MAP3K10: variants seen among roughly 807,000 people sequenced by gnomAD.
The protein encoded by MAP3K10 is mitogen-activated protein kinase kinase kinase 10, also known as MKN28 derived nonreceptor_type serine/threonine kinase.
In MAP3K10, 22 loss-of-function variants were observed where a neutral mutation model predicts 75.0. The observed-to-expected ratio is 0.29, with a 90% CI of 0.21 to 0.42. The LOEUF (loss-of-function observed/expected upper bound fraction) is 0.42, where lower values mean the gene tolerates loss of function less well. MAP3K10 is among the 10% of genes least tolerant of loss of function. The pLI is 1.00. For missense variants in MAP3K10, 1,165 were observed against 1,379.8 expected, an observed-to-expected ratio of 0.84 and a Z score of 2.47; for synonymous variants, 599 against 612.9, an observed-to-expected ratio of 0.98 and a Z score of 0.34.
rs758638669 is a variant in MAP3K10, at chr19:40,213,508, C to T, written c.1838-9C>T. Reference sequence around the variant, plus strand: ...CCTGCAGCGGAGTGATGGCCCTCTCCGGTTGCAGAGGAGTTCGCGGAGGCA... The same window carrying T: ...CCTGCAGCGGAGTGATGGCCCTCTCTGGTTGCAGAGGAGTTCGCGGAGGCA... On this transcript the variant is annotated splice_polypyrimidine_tract_variant and intron_variant, in intron 8 of 9. Transcript: ENST00000253055. The surrounding 1 kb of genome is among the most constrained non-coding windows in gnomAD (Gnocchi z 5.7). 9.9e-6 allele frequency: 16 copies of T among 1,610,796 alleles called. No individual in the cohort carries two copies. The highest frequency in any genetic ancestry group is 2.2e-5 in the East Asian group (1 of 44,766).
chr19:40,198,416 A>G lies in MAP3K10; in HGVS notation c.724A>G (p.Thr242Ala). The change falls in exon 2 of 10, where the codon ACG (threonine) becomes GCG (alanine). Residue 242 changes from threonine to alanine, a missense_variant. Physicochemically the swap from Thr to Ala is moderately conservative, Grantham distance 58 (BLOSUM62 0). Coordinates refer to ENST00000253055, the MANE Select transcript of MAP3K10 (RefSeq NM_002446.4). This position sits in a 1 kb window ranked among gnomAD's most constrained non-coding sequence, Gnocchi z 4.3. Reference protein sequence around the residue: ...EAIENHNLADTVLKITDFGLA... With the variant: ...EAIENHNLADAVLKITDFGLA... ...CATCGAGAACCACAACCTCGCAGAC[A>G]CGGTGCTCAAGATCACGGACTTCGG... 1 of 1,614,096 alleles carries G rather than the reference A, an allele frequency of 6.2e-7. No individual in the cohort carries two copies. Among genetic ancestry groups the G allele is most frequent in the South Asian group, 1.1e-5 (1 of 91,072 alleles).
In MAP3K10 at chr19:40,206,168, G is replaced by T. The variant is rs764315161; in HGVS notation, c.1435+11G>T. ...TCAGCCTGCCCTCTGGTACCCACCC[G>T]TGTCCCCAGAGCGCCCCCCAAGAGG... On this transcript the variant is annotated intron_variant, in intron 5 of 9. Transcript: ENST00000253055. The T allele has an allele frequency of 1.9e-6, 3 of 1,589,306 alleles. No individual in the cohort carries two copies. Among genetic ancestry groups the T allele is most frequent in the Non-Finnish European group, 2.6e-6 (3 of 1,163,068 alleles).
Position 40,192,539 on chromosome 19 carries a change from C to T in MAP3K10, c.508C>T (p.Leu170Phe). 1 of 1,613,542 alleles carries T rather than the reference C, an allele frequency of 6.2e-7. No homozygotes were observed. The highest frequency in any genetic ancestry group is 1.1e-5 in the South Asian group (1 of 91,062). Residue 170 changes from leucine to phenylalanine, a missense_variant, in exon 1 of 10, where the codon CTC becomes TTC. Transcript: ENST00000253055. The surrounding 1 kb of genome is among the most constrained non-coding windows in gnomAD (Gnocchi z 7.1). ...LRGACLNPPH[L>F]CLVMEYARGG... ...GGGCGCCTGCCTCAACCCCCCACAC[C>T]TCTGCCTAGTGATGGAGTATGCCCG...
rs997298971 is a variant in MAP3K10, at chr19:40,204,373, G to A, written c.864-112G>A. The A allele has an allele frequency of 9.5e-5, 116 of 1,218,420 alleles. No homozygotes were observed. The highest frequency in any genetic ancestry group is 9.1e-4 in the African/African-American group (60 of 66,184). The allele number at this position is 1,218,420 out of a possible 1,614,324, so 75.5% of individuals were successfully genotyped here. Reference sequence around the variant, plus strand: ...GCAAGTTCTTGTGACCTCATTGGCCGGGGGTGGCTGTTGGGGTGAGGGCAG... The same window carrying A: ...GCAAGTTCTTGTGACCTCATTGGCCAGGGGTGGCTGTTGGGGTGAGGGCAG... On this transcript the variant is annotated intron_variant, in intron 2 of 9. Transcript: ENST00000253055. This position sits in a 1 kb window ranked among gnomAD's most constrained non-coding sequence, Gnocchi z 4.3.
At chr19:40,193,327 C>A (rs572225260) in intron 1 of MAP3K10, among the ~76,000 whole-genome samples, 1 of 152,306 alleles carries the variant, frequency 6.6e-6, no homozygotes, top group Admixed American at 6.5e-5. Context: ...TCTTCATAGG[C>A]CGAGCTGGCC....
chr19:40,197,965 G>T (rs1972941467), intron 1 of MAP3K10, among the ~76,000 whole-genome samples: 2 of 152,128 alleles, frequency 1.3e-5, no homozygotes, highest in South Asian at 2.1e-4. Flanking sequence ...CCAAGTGGCT[G>T]GGACTGTAGG....
chr19:40,206,662 G>A (rs373487444), intron 5 of MAP3K10, among the ~76,000 whole-genome samples: 3 of 152,016 alleles, frequency 2.0e-5, no homozygotes, highest in East Asian at 3.9e-4. Context: ...AAAGCAGAGA[G>A]AACCTCACAG....
At chr19:40,210,033 C>T (rs1054582583) in intron 6 of MAP3K10, among the ~76,000 whole-genome samples, 1 of 151,930 alleles carries the variant, frequency 6.6e-6, no homozygotes, top group Non-Finnish European at 1.5e-5. Flanking sequence ...TTTGGGAGGC[C>T]GAGGCAGGCG....
chr19:40,205,355 G>A lies in MAP3K10; in HGVS notation c.1188+59G>A. Reference sequence around the variant, plus strand: ...CAAGACCCCTGAGTTCTGATGCCTTGGGCTGCTCAGAGACTCCTCCCCTGA... The same window carrying A: ...CAAGACCCCTGAGTTCTGATGCCTTAGGCTGCTCAGAGACTCCTCCCCTGA... On this transcript the variant is annotated intron_variant, in intron 4 of 9. Transcript: ENST00000253055. The surrounding 1 kb of genome is among the most constrained non-coding windows in gnomAD (Gnocchi z 4.3). 1 of 1,573,952 alleles carries A rather than the reference G, an allele frequency of 6.4e-7. No individual in the cohort carries two copies. The highest frequency in any genetic ancestry group is 2.3e-5 in the East Asian group (1 of 44,422).
Position 40,209,220 on chromosome 19 carries a change from G to T in MAP3K10, c.1552+1G>T. On this transcript the variant is annotated splice_donor_variant, in intron 6 of 9. Transcript: ENST00000253055. LOFTEE classifies it high-confidence loss of function. ...ATCCCCCGGCTGAGGGCCATTCGCC[G>T]TGAGTATCTCCCAAGGCCCTGACCA... 2 of 1,612,820 alleles carry T rather than the reference G, an allele frequency of 1.2e-6. No individual in the cohort carries two copies. Among genetic ancestry groups the T allele is most frequent in the Non-Finnish European group, 8.5e-7 (1 of 1,178,952 alleles).
rs1294320875 is a variant in MAP3K10 at position 40,206,248 on chromosome 19, G to A, written c.1435+91G>A. The A allele has an allele frequency of 3.5e-6, 5 of 1,443,488 alleles. No individual in the cohort carries two copies. The Admixed American group carries it at 1.2e-4, about 34-fold the overall frequency. 89.4% of individuals were successfully genotyped at this position (1,443,488 alleles called of 1,614,324 possible). A position where few individuals can be genotyped will look rare whatever the true frequency, so the allele number is the denominator to read the frequency against. On this transcript the variant is annotated intron_variant, in intron 5 of 9. Coordinates refer to ENST00000253055, the MANE Select transcript of MAP3K10 (RefSeq NM_002446.4). ...ATCTCTTCCTTTTCTTTTTCAACTT[G>A]TTTTTATTGCTAAATATATCGCACA...
At chr19:40,203,621 A>G (rs922867926) in intron 2 of MAP3K10, among the ~76,000 whole-genome samples, 1 of 152,248 alleles carries the variant, frequency 6.6e-6, no homozygotes, top group East Asian at 1.9e-4. Flanking sequence ...CTGAGCGTGT[A>G]CCTGCTCATC....
chr19:40,214,023 GCGCCCACACCCA>G lies in MAP3K10; in HGVS notation c.2350_2361del (p.Thr784_Pro787del). On this transcript the variant is annotated inframe_deletion, in exon 9 of 10. Transcript: ENST00000253055. ...GCCCTCCCCACCACCCTCCCCGCCCGCGCCCACACCCACGCCCTCGCCCAGCACCAACCCCCT... is the reference window on the plus strand; with the variant it reads ...GCCCTCCCCACCACCCTCCCCGCCCGCGCCCTCGCCCAGCACCAACCCCCT... 4 of 500,756 alleles carry G rather than the reference GCGCCCACACCCA, an allele frequency of 8.0e-6. No individual in the cohort carries two copies. The highest frequency in any genetic ancestry group is 1.2e-5 in the Non-Finnish European group (4 of 342,310). 31.0% of individuals were successfully genotyped at this position (500,756 alleles called of 1,614,324 possible).
At chr19:40,197,253 C>T (rs1363531339) in intron 1 of MAP3K10, among the ~76,000 whole-genome samples, 2 of 152,120 alleles carry the variant, frequency 1.3e-5, no homozygotes, top group Non-Finnish European at 2.9e-5. Context: ...GGAATTGGCA[C>T]CCTGTCATTC....
rs1054777956 is a variant in MAP3K10, at chr19:40,215,421, AG to A, written c.*137del. The A allele has an allele frequency of 1.8e-4, 137 of 781,412 alleles. No homozygotes were observed. Among genetic ancestry groups the A allele is most frequent in the Middle Eastern group, 1.2e-3 (3 of 2,582 alleles). 48.4% of individuals were successfully genotyped at this position (781,412 alleles called of 1,614,324 possible). A position where few individuals can be genotyped will look rare whatever the true frequency, so the allele number is the denominator to read the frequency against. On this transcript the variant is annotated 3_prime_UTR_variant, in exon 10 of 10. Transcript: ENST00000253055. ...CACTCTATTTATTGGGGAAGGAGGG[AG>A]GGGGGGGACACTTAACTTATTCCTT... is the stretch of plus-strand genomic sequence containing the variant.
chr19:40,215,151 C>T lies in MAP3K10; in HGVS notation c.2724C>T (p.Leu908=). 9 of 1,608,610 alleles carry T rather than the reference C, an allele frequency of 5.6e-6. No homozygotes were observed. The highest frequency in any genetic ancestry group is 6.8e-6 in the Non-Finnish European group (8 of 1,178,130). ...PWKLVSFGRT[L]TISPPSRPDT... ...AACTGGTCTCCTTCGGCCGGACACT[C>T]ACCATCTCGCCTCCCAGCAGGCCAG... Residue 908 remains leucine, a synonymous_variant, in exon 10 of 10, where the codon CTC becomes CTT. Transcript: ENST00000253055.
Position 40,215,196 on chromosome 19 carries a change from G to C in MAP3K10, c.2769G>C (p.Gly923=), listed in dbSNP as rs750561297. The change falls in exon 10 of 10, where the codon GGG becomes GGC. Residue 923 remains glycine (G), a synonymous_variant. Coordinates refer to ENST00000253055, the MANE Select transcript of MAP3K10 (RefSeq NM_002446.4). The part of the protein sequence containing the change: ...PSRPDTPESP[G]PPSVQPTLLD... ...GGCCAGACACTCCGGAGAGCCCTGG[G>C]CCCCCCAGCGTGCAGCCCACACTGC... 33 of 1,585,714 alleles carry C rather than the reference G, an allele frequency of 2.1e-5. No individual in the cohort carries two copies. The South Asian group carries it at 3.8e-4, about 18-fold the overall frequency.
At chr19:40,200,612 CTT>C (rs71171548) in intron 2 of MAP3K10, among the ~76,000 whole-genome samples, 8 of 79,974 alleles carry the variant, frequency 1.0e-4, no homozygotes, top group African/African-American at 2.7e-4. Context: ...TTTGTGCTAC[CTT>C]TTTTTTTTTT....
chr19:40,198,287 C>T lies in MAP3K10; in HGVS notation c.683-88C>T, dbSNP rs1035834663. ...CAGCCTGAGGCAGTGAGAGGAAAGA[C>T]GTGTTTCTAGCTGAGGCAGCGGGCC... On this transcript the variant is annotated intron_variant, in intron 1 of 9. Coordinates refer to ENST00000253055, the MANE Select transcript of MAP3K10 (RefSeq NM_002446.4). The surrounding 1 kb of genome is among the most constrained non-coding windows in gnomAD (Gnocchi z 4.3). 88 of 1,288,860 alleles carry T rather than the reference C, an allele frequency of 6.8e-5. 1 individual carries two copies. In the African/African-American group the frequency reaches 9.3e-4, roughly 14 times the overall value. 79.8% of individuals were successfully genotyped at this position (1,288,860 alleles called of 1,614,324 possible). A position where few individuals can be genotyped will look rare whatever the true frequency, so the allele number is the denominator to read the frequency against.
Sources: gnomAD v4.1 joint callset for allele counts (sites outside exome capture counted in the v4.1 genomes callset) on GRCh38, gnomAD v4.1.1 for gene constraint, Gnocchi (gnomAD v3.1) non-coding constraint, MANE v1.5 for transcripts, NCBI Gene and HGNC (gene_info 2026-07-23, HGNC 2026-07-21) for gene names.